CSTPP1: variants seen among roughly 807,000 people sequenced by gnomAD.
CSTPP1 encodes the protein centriolar satellite-associated tubulin polyglutamylase complex regulator 1.
At chr11:47,147,263 T>C in the CSTPP1 span, among the ~76,000 whole-genome samples, 5 of 152,050 alleles carry the variant, frequency 3.3e-5, no homozygotes, top group Non-Finnish European at 7.4e-5. Context: ...GATGGGGGGA[T>C]TAGGTAGAGA....
the CSTPP1 span, among the ~76,000 whole-genome samples, chr11:47,054,266 G>A: frequency 3.5e-5 from 5 of 142,326 alleles, no homozygotes; most frequent in African/African-American, 8.0e-5. Context: ...ATCCAAGATC[G>A]CGCTACTGCA....
At chr11:46,949,293 T>C in the CSTPP1 span, among the ~76,000 whole-genome samples, 1 of 152,224 alleles carries the variant, frequency 6.6e-6, no homozygotes, top group Non-Finnish European at 1.5e-5. Context: ...TGATAGTCTA[T>C]GAACTACCAG....
chr11:47,137,844 T>A, the CSTPP1 span: 1 of 998,888 alleles, frequency 1.0e-6, no homozygotes, highest in Non-Finnish European at 1.5e-6. Flanking sequence ...AAACTGGCAG[T>A]GGGAGAGGGG....
At chr11:47,012,713 T>C in the CSTPP1 span, among the ~76,000 whole-genome samples, 1 of 152,088 alleles carries the variant, frequency 6.6e-6, no homozygotes, top group Non-Finnish European at 1.5e-5. Flanking sequence ...GCCCTTTCTT[T>C]AAATTATGCC....
the CSTPP1 span, chr11:47,161,572 T>G: frequency 6.2e-7 from 1 of 1,614,090 alleles, no homozygotes; most frequent in East Asian, 2.2e-5. Flanking sequence ...GACCTCTCCA[T>G]CATTCCCGAA....
the CSTPP1 span, among the ~76,000 whole-genome samples, chr11:47,110,924 C>T: frequency 7.4e-6 from 1 of 135,864 alleles, no homozygotes; most frequent in Non-Finnish European, 1.5e-5. Flanking sequence ...GAGTCTAGCT[C>T]TGCCGCCCAG....
the CSTPP1 span, among the ~76,000 whole-genome samples, chr11:47,140,285 A>AT: frequency 2.0e-5 from 3 of 151,072 alleles, no homozygotes; most frequent in Middle Eastern, 6.8e-3. Flanking sequence ...AGATTTGGAT[A>AT]TTTTTTTTCT....
At chr11:47,154,851 GCACCCTCTCCTCGC>G in the CSTPP1 span, 1 of 444,626 alleles carries the variant, frequency 2.2e-6, no homozygotes, top group Non-Finnish European at 4.1e-6. Flanking sequence ...CATTACAGTT[GCACCCTCTCCTCGC>G]CACCCCCTGC....
the CSTPP1 span, among the ~76,000 whole-genome samples, chr11:46,971,286 A>G: frequency 3.3e-5 from 5 of 152,250 alleles, no homozygotes; most frequent in African/African-American, 9.6e-5. Context: ...ACATTTACCA[A>G]TAAATAAACC....
At chr11:47,161,108 G>A in the CSTPP1 span, 60 of 1,613,938 alleles carry the variant, frequency 3.7e-5, no homozygotes, top group Non-Finnish European at 4.9e-5. Context: ...TAACTACTGT[G>A]CCCCCAATGA....
At chr11:47,078,184 C>G in the CSTPP1 span, among the ~76,000 whole-genome samples, 1 of 151,858 alleles carries the variant, frequency 6.6e-6, no homozygotes, top group South Asian at 2.1e-4. Context: ...TTTAAAGAAG[C>G]AAAGCAAAAA....
chr11:47,084,377 T>C, the CSTPP1 span, among the ~76,000 whole-genome samples: 2 of 152,202 alleles, frequency 1.3e-5, no homozygotes, highest in Non-Finnish European at 2.9e-5. Context: ...TGATGTCTTT[T>C]ATTGAGCAGA....
the CSTPP1 span, among the ~76,000 whole-genome samples, chr11:46,960,176 T>G: frequency 6.6e-6 from 1 of 152,156 alleles, no homozygotes; most frequent in Non-Finnish European, 1.5e-5. Flanking sequence ...CTAAATAATT[T>G]TTTGAAAGAC....
chr11:47,084,923 G>T, the CSTPP1 span, among the ~76,000 whole-genome samples: 1 of 152,066 alleles, frequency 6.6e-6, no homozygotes, highest in African/African-American at 2.4e-5. Flanking sequence ...GATGGATTAC[G>T]CCTGTAATCC....
At chr11:47,009,198 C>G in the CSTPP1 span, among the ~76,000 whole-genome samples, 105 of 152,194 alleles carry the variant, frequency 6.9e-4, 1 homozygote, top group African/African-American at 2.4e-3. Context: ...CTTCATTTGC[C>G]TTGGTGGCTC....
the CSTPP1 span, among the ~76,000 whole-genome samples, chr11:47,069,313 A>G: frequency 6.6e-6 from 1 of 152,200 alleles, no homozygotes; most frequent in Admixed American, 6.5e-5. Flanking sequence ...CAAATGTTCT[A>G]GCCATTATCA....
chr11:47,073,730 A>G, the CSTPP1 span, among the ~76,000 whole-genome samples: 1 of 152,186 alleles, frequency 6.6e-6, no homozygotes, highest in Non-Finnish European at 1.5e-5. Flanking sequence ...TTTGTGATGG[A>G]GAAGTTTGCT....
the CSTPP1 span, among the ~76,000 whole-genome samples, chr11:47,010,743 T>A: frequency 1.3e-5 from 2 of 152,206 alleles, no homozygotes; most frequent in Non-Finnish European, 2.9e-5. Context: ...TGTTATTTGG[T>A]AGTGACTTTT....
At chr11:47,064,847 C>T in the CSTPP1 span, among the ~76,000 whole-genome samples, 2 of 152,072 alleles carry the variant, frequency 1.3e-5, no homozygotes, top group African/African-American at 2.4e-5. Flanking sequence ...TGGGTTCAAG[C>T]GATTCTCCTG....
Sources: gnomAD v4.1 joint callset for allele counts (sites outside exome capture counted in the v4.1 genomes callset) on GRCh38, gnomAD v4.1.1 for gene constraint, MANE v1.5 for transcripts, NCBI Gene and HGNC (gene_info 2026-07-23, HGNC 2026-07-21) for gene names.